The following PRKCB variants were observed in gnomAD, a reference collection of about 807,000 sequenced individuals.
PRKCB encodes the protein protein kinase C beta type.
A neutral mutation model predicts 81.5 loss-of-function variants in PRKCB; 13 were observed. The ratio of observed to expected loss-of-function variants is 0.16; its 90% confidence interval spans 0.10 to 0.25. PRKCB has a LOEUF of 0.25. Among genes scored for constraint, PRKCB ranks in the 10% least tolerant of loss-of-function variants. The probability of loss-of-function intolerance (pLI) is 1.00; values close to 1 mark genes in which losing one functional copy is unlikely to be tolerated. For missense variants in PRKCB, 509 were observed against 875.7 expected (o/e 0.58, Z 5.29); for synonymous variants, 335 against 321.4 (o/e 1.04, Z -0.45).
intron 2 of PRKCB, among the ~76,000 whole-genome samples, chr16:23,951,796 T>G (rs1964288444): frequency 6.6e-6 from 1 of 152,106 alleles, no homozygotes; most frequent in Admixed American, 6.6e-5. Context: ...AGTCTAAAAA[T>G]AAATCCCCTT....
At chr16:23,960,845 T>C (rs1215823552) in intron 2 of PRKCB, among the ~76,000 whole-genome samples, 1 of 152,192 alleles carries the variant, frequency 6.6e-6, no homozygotes, top group Non-Finnish European at 1.5e-5. Context: ...TGTCTGAGAG[T>C]CTGGGGTATC....
chr16:24,101,112 A>G (rs1966501055), intron 7 of PRKCB, among the ~76,000 whole-genome samples: 1 of 152,246 alleles, frequency 6.6e-6, no homozygotes, highest in Admixed American at 6.5e-5. Context: ...GAGATCCTGA[A>G]TCTTGTGACC....
At chr16:24,012,269 A>G (rs1965213847) in intron 3 of PRKCB, among the ~76,000 whole-genome samples, 1 of 152,226 alleles carries the variant, frequency 6.6e-6, no homozygotes, top group Admixed American at 6.5e-5. Context: ...TAACTCATTT[A>G]ATCCTCACCC....
At chr16:23,864,100 T>C (rs1367114992) in intron 2 of PRKCB, among the ~76,000 whole-genome samples, 2 of 152,118 alleles carry the variant, frequency 1.3e-5, no homozygotes, top group African/African-American at 4.8e-5. Context: ...TCTTAACCCA[T>C]AGAGCCACAA....
chr16:24,011,169 C>T (rs541948884), intron 3 of PRKCB, among the ~76,000 whole-genome samples: 2 of 152,138 alleles, frequency 1.3e-5, no homozygotes, highest in South Asian at 2.1e-4. Flanking sequence ...TGCCCAGCCA[C>T]CACTCTATTT....
rs886225805 is a variant in PRKCB, at chr16:24,121,189, C to A, written c.919-2646C>A. Among the ~76,000 whole-genome samples the A allele has an allele frequency of 4.6e-5, 7 of 152,190 alleles. 1 individual carries two copies. Among genetic ancestry groups the A allele is most frequent in the Admixed American group, 2.6e-4 (4 of 15,282 alleles). ...TCCCCTCTGTTCCATAAATGCTGTT[C>A]CTGCTGCCAATACCAGTTTATCTAC... On this transcript the variant is annotated intron_variant, in intron 8 of 16. Coordinates refer to ENST00000643927, the MANE Select transcript of PRKCB (RefSeq NM_002738.7).
At chr16:24,151,506 C>T (rs147262219) in intron 9 of PRKCB, among the ~76,000 whole-genome samples, 1,658 of 152,284 alleles carry the variant, frequency 0.011, 20 homozygotes, top group Middle Eastern at 0.02. Flanking sequence ...TGCGGAAATG[C>T]CTGAGCTACA....
At chr16:23,848,777 T>A (rs1296404900) in intron 2 of PRKCB, among the ~76,000 whole-genome samples, 1 of 152,212 alleles carries the variant, frequency 6.6e-6, no homozygotes, top group African/African-American at 2.4e-5. Context: ...TTTTCATAGC[T>A]AAAAGGATAT....
chr16:24,131,492 G>A (rs1211871171), intron 9 of PRKCB, among the ~76,000 whole-genome samples: 2 of 152,228 alleles, frequency 1.3e-5, no homozygotes, highest in Non-Finnish European at 2.9e-5. Context: ...TCAAAATTCA[G>A]ACCGTACAAC....
chr16:24,018,750 A>G (rs1246455444), intron 3 of PRKCB, among the ~76,000 whole-genome samples: 1 of 152,210 alleles, frequency 6.6e-6, no homozygotes, highest in Admixed American at 6.5e-5. Flanking sequence ...CCCAACACAC[A>G]AGTGTTTACA....
chr16:24,159,087 C>G (rs1311141971), intron 10 of PRKCB, among the ~76,000 whole-genome samples: 3 of 152,242 alleles, frequency 2.0e-5, no homozygotes, highest in African/African-American at 7.2e-5. Context: ...ATGGTCACCT[C>G]TCACCTGTTC....
chr16:24,215,469 A>G lies in PRKCB; in HGVS notation c.*653A>G, dbSNP rs1405542101. The G allele has an allele frequency of 1.0e-6, 1 of 985,796 alleles. No individual in the cohort carries two copies. Among genetic ancestry groups the G allele is most frequent in the African/African-American group, 1.7e-5 (1 of 57,330 alleles). 61.1% of individuals were successfully genotyped at this position (985,796 alleles called of 1,614,324 possible). On this transcript the variant is annotated 3_prime_UTR_variant, in exon 17 of 17. Transcript: ENST00000643927. ...TGCTACCTCAGTGTTGTAGTTTCTG[A>G]TACTTTATGTCTTTGCTCACCCTCA...
chr16:23,841,649 CTTTTTTTT>C (rs59288831), intron 2 of PRKCB, among the ~76,000 whole-genome samples: 14 of 59,044 alleles, frequency 2.4e-4, no homozygotes, highest in East Asian at 1.2e-3. Flanking sequence ...CACCACGGCC[CTTTTTTTT>C]TTTTTTTTTT....
Position 24,035,531 on chromosome 16 carries a change from C to G in PRKCB, c.513C>G (p.Asp171Glu), listed in dbSNP as rs115645964. The G allele has an allele frequency of 3.1e-6, 5 of 1,612,276 alleles. No individual in the cohort carries two copies. In the African/African-American group the frequency reaches 5.3e-5, roughly 17 times the overall value. ...RIYIQAHIDR[D>E]VLIVLVRDAK... The stretch of plus-strand genomic sequence containing the variant: ...ACATCCAGGCCCACATCGACAGGGA[C>G]GTCCTCATTGTCCTCGGTAGGTGGC... Residue 171 changes from aspartate to glutamate, a missense_variant, in exon 5 of 17, where the codon GAC becomes GAG. By Grantham distance (45) the Asp-to-Glu change is conservative. Transcript: ENST00000643927.
chr16:23,844,650 G>T (rs1320533448), intron 2 of PRKCB, among the ~76,000 whole-genome samples: 2 of 151,936 alleles, frequency 1.3e-5, no homozygotes, highest in Non-Finnish European at 2.9e-5. Context: ...TGGGACTACA[G>T]GCGCCCACCA....
intron 2 of PRKCB, among the ~76,000 whole-genome samples, chr16:23,928,898 T>C (rs1490509531): frequency 1.3e-5 from 2 of 151,966 alleles, no homozygotes; most frequent in Non-Finnish European, 2.9e-5. Context: ...TTTGTATTTT[T>C]AGTAGAGACG....
intron 13 of PRKCB, among the ~76,000 whole-genome samples, chr16:24,181,771 C>CAAAAA (rs71154286): frequency 2.8e-4 from 7 of 24,562 alleles, no homozygotes; most frequent in African/African-American, 7.7e-4. Flanking sequence ...GACCCTGTCT[C>CAAAAA]AAAAAAAAAA....
chr16:24,092,465 C>A (rs1382181291), intron 5 of PRKCB, among the ~76,000 whole-genome samples: 1 of 152,194 alleles, frequency 6.6e-6, no homozygotes, highest in Non-Finnish European at 1.5e-5. Flanking sequence ...ATGTGGTGAA[C>A]TTTGAAAACG....
intron 2 of PRKCB, among the ~76,000 whole-genome samples, chr16:23,931,389 T>A (rs994359366): frequency 6.6e-5 from 10 of 152,158 alleles, no homozygotes; most frequent in African/African-American, 2.2e-4. Context: ...TAGTTTAAAA[T>A]AGCCTGAGCT....
Sources: allele counts gnomAD v4.1 joint callset (sites outside exome capture counted in the v4.1 genomes callset), GRCh38; gene constraint gnomAD v4.1.1; transcripts MANE v1.5; gene names NCBI Gene and HGNC (gene_info 2026-07-23, HGNC 2026-07-21).